Variants in PRICKLE2 observed in about 807,000 individuals in gnomAD.
PRICKLE2 encodes prickle planar cell polarity protein 2.
Under a neutral mutation model 81.4 loss-of-function variants are expected in PRICKLE2, and 21 were observed. The observed-to-expected ratio is 0.26, with a 90% CI of 0.18 to 0.37. The LOEUF (loss-of-function observed/expected upper bound fraction) is 0.37. Ranked by LOEUF, PRICKLE2 falls within the 10% of genes least tolerant of loss-of-function variation. PRICKLE2 has a pLI of 1.00. For missense variants in PRICKLE2, 940 were observed against 1,109.0 expected (o/e 0.85, Z 2.16); for synonymous variants, 456 against 421.5 (o/e 1.08, Z -1.00).
In PRICKLE2 at chr3:64,206,026, A is replaced by C. The variant is rs537612465; in HGVS notation, c.-40-7059T>G. Among the ~76,000 whole-genome samples, 3 of 152,266 alleles carry C rather than the reference A, an allele frequency of 2.0e-5. 1 individual carries two copies. Among genetic ancestry groups the C allele is most frequent in the African/African-American group, 7.2e-5 (3 of 41,502 alleles). On this transcript the variant is annotated intron_variant, in intron 1 of 7. Coordinates refer to ENST00000638394, the MANE Select transcript of PRICKLE2 (RefSeq NM_198859.4). ...TGGTAATTTGCTAGATGGAAAGAAGAAAAAATATAGAGGCTATTAACGGCT... is the reference window on the plus strand; with the variant it reads ...TGGTAATTTGCTAGATGGAAAGAAGCAAAAATATAGAGGCTATTAACGGCT...
intron 5 of PRICKLE2, 61 bp from the exon 6 acceptor site, chr3:64,153,429 A>G (rs2077577513): frequency 3.9e-6 from 6 of 1,553,642 alleles, no homozygotes; most frequent in South Asian, 3.3e-5. Context: ...ATTTTAAAGG[A>G]AGAAAGCTAT....
In PRICKLE2 at chr3:64,190,738, A is replaced by G. The variant is rs560916773; in HGVS notation, c.144+8046T>C. Among the ~76,000 whole-genome samples the G allele has an allele frequency of 2.7e-4, 41 of 152,340 alleles. No homozygotes were observed. In the East Asian group the frequency reaches 6.2e-3, roughly 23 times the overall value. ...ACAGACAGGTACTAACAAGGTTCCA[A>G]CTGGCAGAGAGGCCAAATCAAGGAG... On this transcript the variant is annotated intron_variant, in intron 2 of 7. Coordinates refer to ENST00000638394, the MANE Select transcript of PRICKLE2 (RefSeq NM_198859.4).
chr3:64,136,310 G>C (rs1322557180), intron 7 of PRICKLE2, among the ~76,000 whole-genome samples: 1 of 151,654 alleles, frequency 6.6e-6, no homozygotes, highest in Admixed American at 6.6e-5. Flanking sequence ...GAAGAGTCTG[G>C]GTTTCCTTAG....
intron 2 of PRICKLE2, among the ~76,000 whole-genome samples, chr3:64,232,401 G>C (rs1266406303): frequency 2.0e-5 from 3 of 152,216 alleles, no homozygotes; most frequent in Non-Finnish European, 1.5e-5. Flanking sequence ...GATTATTCCT[G>C]TAAGAATACC....
chr3:64,115,828 C>A (rs111600329), intron 7 of PRICKLE2, among the ~76,000 whole-genome samples: 11,834 of 151,976 alleles, frequency 0.078, 1,109 homozygotes, highest in East Asian at 0.28. Flanking sequence ...ACCTGAACTC[C>A]GCTCTGGATC....
intron 2 of PRICKLE2, among the ~76,000 whole-genome samples, chr3:64,177,967 G>C (rs1166485496): frequency 6.6e-6 from 1 of 152,162 alleles, no homozygotes; most frequent in Non-Finnish European, 1.5e-5. Flanking sequence ...AGCTTTTAGA[G>C]AAACTGCCAA....
chr3:64,193,740 T>G (rs1486116059), intron 2 of PRICKLE2, among the ~76,000 whole-genome samples: 1 of 152,152 alleles, frequency 6.6e-6, no homozygotes, highest in Non-Finnish European at 1.5e-5. Flanking sequence ...CATGATGGCC[T>G]CGTGATAGTA....
At chr3:64,247,812 T>C (rs905579923) in intron 2 of PRICKLE2, among the ~76,000 whole-genome samples, 3 of 152,168 alleles carry the variant, frequency 2.0e-5, no homozygotes, top group African/African-American at 7.2e-5. Flanking sequence ...ATTAATTTAA[T>C]TAGGAGTTAT....
At chr3:64,206,999 A>T (rs2078698775) in intron 1 of PRICKLE2, among the ~76,000 whole-genome samples, 1 of 152,154 alleles carries the variant, frequency 6.6e-6, no homozygotes, top group East Asian at 1.9e-4. Context: ...TCCTGGGCTC[A>T]AGCAATCCTC....
At chr3:64,116,405 C>T (rs963934085) in intron 7 of PRICKLE2, among the ~76,000 whole-genome samples, 7 of 151,732 alleles carry the variant, frequency 4.6e-5, no homozygotes, top group African/African-American at 1.7e-4. Context: ...TCAATGAATC[C>T]AGGAGCTGGT....
intron 2 of PRICKLE2, among the ~76,000 whole-genome samples, chr3:64,238,714 C>A (rs2107168685): frequency 6.6e-6 from 1 of 152,230 alleles, no homozygotes; most frequent in Admixed American, 6.5e-5. Flanking sequence ...TGAATTGGGA[C>A]AAGTCACTTT....
chr3:64,100,907 G>C (rs2106937656), intron 7 of PRICKLE2: 1 of 152,268 alleles, frequency 6.6e-6, no homozygotes, highest in East Asian at 1.9e-4. Context: ...TGCCATTCCT[G>C]GTCATAGACA....
At position 64,252,248 on chromosome 3, in the gene PRICKLE2, T is replaced by C. The variant is rs2079457666; in HGVS notation, c.129-53281A>G. Among the ~76,000 whole-genome samples the C allele has an allele frequency of 2.6e-5, 4 of 151,994 alleles. No homozygotes were observed. The South Asian group carries it at 8.3e-4, about 32-fold the overall frequency. On this transcript the variant is annotated intron_variant, in intron 2 of 8. Coordinates refer to the PRICKLE2 transcript ENST00000295902. ...ATCACCATGATTAGACACTCTGAGGTAAAAAAGCTTATTCAAATCACCCTG... is the reference window on the plus strand; with the variant it reads ...ATCACCATGATTAGACACTCTGAGGCAAAAAAGCTTATTCAAATCACCCTG...
chr3:64,105,574 C>T (rs959073151), intron 7 of PRICKLE2: 2 of 152,216 alleles, frequency 1.3e-5, no homozygotes, highest in Non-Finnish European at 2.9e-5. Context: ...TGTCAATCTC[C>T]ATCTCTGGTG....
chr3:64,108,726 G>A (rs2076796239), intron 7 of PRICKLE2, among the ~76,000 whole-genome samples: 1 of 152,108 alleles, frequency 6.6e-6, no homozygotes, highest in Admixed American at 6.5e-5. Context: ...CCAAGATGAT[G>A]GGAGTTTCAA....
At chr3:64,155,287 C>A (rs760363426) in intron 5 of PRICKLE2, among the ~76,000 whole-genome samples, 12 of 148,850 alleles carry the variant, frequency 8.1e-5, no homozygotes, top group Non-Finnish European at 1.6e-4. Context: ...AAAAGATGCT[C>A]AACATTATTA....
chr3:64,192,408 A>G (rs2078360028), intron 2 of PRICKLE2, among the ~76,000 whole-genome samples: 1 of 152,232 alleles, frequency 6.6e-6, no homozygotes, highest in Non-Finnish European at 1.5e-5. Context: ...TACAAGTTTT[A>G]TAAGTGTTAA....
At chr3:64,103,075 A>G (rs569580034) in intron 7 of PRICKLE2, 13 of 152,356 alleles carry the variant, frequency 8.5e-5, no homozygotes, top group African/African-American at 3.1e-4. Context: ...TTCTATTTTT[A>G]TAACTTTTTT....
intron 1 of PRICKLE2, among the ~76,000 whole-genome samples, chr3:64,212,233 A>G (rs1482342323): frequency 6.6e-6 from 1 of 152,244 alleles, no homozygotes; most frequent in East Asian, 1.9e-4. Context: ...TCTGCAAAGA[A>G]TAAACCATGG....
Sources: gnomAD v4.1 joint callset for allele counts (sites outside exome capture counted in the v4.1 genomes callset) on GRCh38, gnomAD v4.1.1 for gene constraint, MANE v1.5 for transcripts, NCBI Gene and HGNC (gene_info 2026-07-23, HGNC 2026-07-21) for gene names.